Variants in MBIP observed in about 807,000 individuals in gnomAD.
MBIP encodes MAP3K12 binding inhibitory protein 1.
Under a neutral mutation model 45.7 loss-of-function variants are expected in MBIP, and 32 were observed. The observed-to-expected ratio is 0.70, with a 90% CI of 0.53 to 0.94. MBIP has a LOEUF of 0.94. Among genes scored for constraint, MBIP ranks in the 40% least tolerant of loss-of-function variants. The pLI is 0.00. For missense variants in MBIP, 381 were observed against 405.5 expected (o/e 0.94, Z 0.52); for synonymous variants, 145 against 141.0 (o/e 1.03, Z -0.20).
Position 36,299,083 on chromosome 14 carries a change from T to C in MBIP, c.1035A>G (p.Ter345TrpextTer22), listed in dbSNP as rs1049602260. ...AESMATHHLP[*>W] The stretch of plus-strand genomic sequence containing the variant: ...AAATGACAAGGATGAGAGGAGTTTT[T>C]CATGGAAGGTGGTGGGTTGCCATGG... The change falls in exon 9 of 9, where the codon TGA becomes TGG. Residue 345 changes from the stop codon to tryptophan, a stop_lost. Transcript: ENST00000416007. 7 of 1,612,518 alleles carry C rather than the reference T, an allele frequency of 4.3e-6. No individual in the cohort carries two copies. In the African/African-American group the frequency reaches 9.4e-5, roughly 22 times the overall value.
intron 1 of MBIP, among the ~76,000 whole-genome samples, chr14:36,317,552 G>C (rs1338726340): frequency 6.6e-6 from 1 of 152,058 alleles, no homozygotes; most frequent in Non-Finnish European, 1.5e-5. Flanking sequence ...TCATTATATG[G>C]AAATTTCTAT....
At chr14:36,307,573 A>AGAAT (rs1306446935) in intron 7 of MBIP, among the ~76,000 whole-genome samples, 2 of 152,230 alleles carry the variant, frequency 1.3e-5, no homozygotes, top group Non-Finnish European at 2.9e-5. Context: ...AAACGGGGTA[A>AGAAT]GAATGAATGA....
intron 7 of MBIP, among the ~76,000 whole-genome samples, chr14:36,303,785 G>C (rs1427369965): frequency 6.6e-6 from 1 of 152,146 alleles, no homozygotes; most frequent in Non-Finnish European, 1.5e-5. Flanking sequence ...CTTTCTTTCA[G>C]TTGTAAAAGG....
chr14:36,315,304 T>G (rs1385753980), intron 2 of MBIP, among the ~76,000 whole-genome samples: 1 of 152,100 alleles, frequency 6.6e-6, no homozygotes, highest in Non-Finnish European at 1.5e-5. Flanking sequence ...AAATGCCTCC[T>G]CAGAACACTA....
At position 36,314,803 on chromosome 14, in the gene MBIP, A is replaced by G. The variant is rs1880467335; in HGVS notation, c.362T>C (p.Ile121Thr). ...NKNEVNDKFSIGDLQEEEKHK... is the reference protein window; with the variant it reads ...NKNEVNDKFSTGDLQEEEKHK... ...CTTTTCTTCCTCTTGTAGGTCGCCA[A>G]TGGAAAATTTGTCATTTACTTCATT... Residue 121 changes from isoleucine to threonine, a missense_variant, in exon 3 of 9, where the codon ATT becomes ACT. Ile to Thr is a moderately conservative substitution (Grantham distance 89). Coordinates refer to ENST00000416007, the MANE Select transcript of MBIP (RefSeq NM_016586.3). 2 of 1,613,592 alleles carry G rather than the reference A, an allele frequency of 1.2e-6. No homozygotes were observed. The highest frequency in any genetic ancestry group is 1.1e-5 in the South Asian group (1 of 91,072).
In MBIP at chr14:36,303,896, T is replaced by C. The variant is rs1311919744; in HGVS notation, c.889-3073A>G. 5.3e-5 allele frequency among the ~76,000 whole-genome samples: 8 copies of C among 152,302 alleles called. No homozygotes were observed. In the South Asian group the frequency reaches 6.2e-4, roughly 12 times the overall value. On this transcript the variant is annotated intron_variant, in intron 7 of 8. Transcript: ENST00000416007. The stretch of plus-strand genomic sequence containing the variant: ...TTTCTCTCTGGCTTGGATAATGACA[T>C]GTTTCCTAAACTAGTTTCCTTGACT...
intron 7 of MBIP, among the ~76,000 whole-genome samples, chr14:36,301,907 A>T (rs1488445398): frequency 1.3e-5 from 2 of 152,268 alleles, no homozygotes; most frequent in Non-Finnish European, 2.9e-5. Flanking sequence ...AGCATTTCTG[A>T]CTACTGAGAT....
At chr14:36,308,514 T>A (rs1210306043) in intron 6 of MBIP, among the ~76,000 whole-genome samples, 1 of 152,210 alleles carries the variant, frequency 6.6e-6, no homozygotes, top group African/African-American at 2.4e-5. Context: ...GATAGTTACA[T>A]GGGAGGACAA....
chr14:36,310,203 G>T (rs1038652407), intron 6 of MBIP, among the ~76,000 whole-genome samples: 1 of 152,172 alleles, frequency 6.6e-6, no homozygotes, highest in Non-Finnish European at 1.5e-5. Context: ...CTTAATGCCA[G>T]TGTCTTATTA....
At chr14:36,304,700 T>C (rs1435314903) in intron 7 of MBIP, among the ~76,000 whole-genome samples, 2 of 152,240 alleles carry the variant, frequency 1.3e-5, no homozygotes, top group Non-Finnish European at 2.9e-5. Flanking sequence ...TTTATACACA[T>C]ATAACTTATT....
At chr14:36,300,656 C>T in intron 8 of MBIP, 129 bp downstream of exon 8, 1 of 607,294 alleles carries the variant, frequency 1.6e-6, no homozygotes, top group Non-Finnish European at 2.8e-6. Context: ...TTATACTGCC[C>T]TTTTCTTCAG....
intron 7 of MBIP, among the ~76,000 whole-genome samples, chr14:36,302,130 T>C (rs535967993): frequency 2.0e-5 from 3 of 152,374 alleles, no homozygotes; most frequent in African/African-American, 7.2e-5. Context: ...AAGGAATCAA[T>C]GTTTAATTTG....
chr14:36,311,604 T>C lies in MBIP; in HGVS notation c.759A>G (p.Gln253=). The C allele has an allele frequency of 6.2e-7, 1 of 1,612,820 alleles. No homozygotes were observed. The highest frequency in any genetic ancestry group is 8.5e-7 in the Non-Finnish European group (1 of 1,179,144). The change falls in exon 6 of 9, where the codon CAA becomes CAG. Residue 253 remains glutamine (Q), a synonymous_variant. Transcript: ENST00000416007. ...GTAACCGCAAGTGGGCCTCAATATT[T>C]TGTAGTCGTTCTTCTACAGCCTGAT... ...CGNQAVEERL[Q]NIEAHLRLQT... is the part of the protein sequence containing the mutation.
At chr14:36,317,904 C>G (rs1880671920) in intron 1 of MBIP, among the ~76,000 whole-genome samples, 3 of 151,666 alleles carry the variant, frequency 2.0e-5, no homozygotes, top group Admixed American at 1.3e-4. Context: ...TATAAGGTTA[C>G]CAATAAAAAG....
Position 36,311,671 on chromosome 14 carries a change from C to G in MBIP, c.692G>C (p.Gly231Ala). 1.9e-6 allele frequency: 3 copies of G among 1,612,976 alleles called. No individual in the cohort carries two copies. Among genetic ancestry groups the G allele is most frequent in the Middle Eastern group, 1.7e-4 (1 of 6,052 alleles). ...CATGCTGTTAGGTTTATGACCTGAC[C>G]CTGGAATTCCTTCAGGTCTAGTCTG... is the stretch of plus-strand genomic sequence containing the variant. ...GPQTRPEGIP[G>A]SGHKPNSMLR... is the part of the protein sequence containing the mutation. Residue 231 changes from glycine (G) to alanine (A), a missense_variant, in exon 6 of 9, where the codon GGG (glycine) becomes GCG (alanine). Transcript: ENST00000416007.
In MBIP at chr14:36,308,222, T is replaced by C. The variant is rs768196273; in HGVS notation, c.791-33A>G. 2.3e-5 allele frequency: 24 copies of C among 1,049,198 alleles called. No homozygotes were observed. The Admixed American group carries it at 2.6e-4, about 11-fold the overall frequency. 65.0% of individuals were successfully genotyped at this position (1,049,198 alleles called of 1,614,324 possible). On this transcript the variant is annotated intron_variant, in intron 6 of 8. Coordinates refer to ENST00000416007, the MANE Select transcript of MBIP (RefSeq NM_016586.3). ...CATTAAAAAAAAATCTGAGATACTA[T>C]TGAATAATTCTTTCTTTTCACAATT... is the stretch of plus-strand genomic sequence containing the variant.
chr14:36,300,723 T>C lies in MBIP; in HGVS notation c.927+62A>G, dbSNP rs1374731013. 5 of 1,241,624 alleles carry C rather than the reference T, an allele frequency of 4.0e-6. No homozygotes were observed. The African/African-American group carries it at 7.7e-5, about 19-fold the overall frequency. 76.9% of individuals were successfully genotyped at this position (1,241,624 alleles called of 1,614,324 possible). A position where few individuals can be genotyped will look rare whatever the true frequency, so the allele number is the denominator to read the frequency against. On this transcript the variant is annotated intron_variant, in intron 8 of 8. Coordinates refer to ENST00000416007, the MANE Select transcript of MBIP (RefSeq NM_016586.3). ...CAACCATAGTAGAAACTTTTATTAA[T>C]AAGAAAGGTATAAAACTAATCAAAC...
At position 36,298,733 on chromosome 14, in the gene MBIP, C is replaced by T. The variant is rs1879351240; in HGVS notation, c.*350G>A. The T allele has an allele frequency of 5.9e-6, 1 of 170,284 alleles. No individual in the cohort carries two copies. The highest frequency in any genetic ancestry group is 1.3e-5 in the Non-Finnish European group (1 of 79,506). The allele number at this position is 170,284 out of a possible 1,614,324, so 10.5% of individuals were successfully genotyped here. ...AATAAACTGGTTAACATCAATGTTA[C>T]AAATATAAAGTCCTTTTAAAGTATC... On this transcript the variant is annotated 3_prime_UTR_variant, in exon 9 of 9. Coordinates refer to ENST00000416007, the MANE Select transcript of MBIP (RefSeq NM_016586.3).
At chr14:36,299,228 CT>C in intron 8 of MBIP, 38 bp from the exon 9 acceptor site, 1 of 1,374,390 alleles carries the variant, frequency 7.3e-7, no homozygotes, top group Non-Finnish European at 1.0e-6. Flanking sequence ...GAATAAGATT[CT>C]GAAGTATCTT....
Sources: gnomAD v4.1 joint callset for allele counts (sites outside exome capture counted in the v4.1 genomes callset) on GRCh38, gnomAD v4.1.1 for gene constraint, MANE v1.5 for transcripts, NCBI Gene and HGNC (gene_info 2026-07-23, HGNC 2026-07-21) for gene names.